The following MITF variants were observed in gnomAD, a reference collection of about 807,000 sequenced individuals.
The protein encoded by MITF is melanocyte inducing transcription factor.
MITF carries 17 observed loss-of-function variants against 60.5 expected under a neutral mutation model. The observed-to-expected ratio is 0.28, with a 90% CI of 0.19 to 0.42. The LOEUF is 0.42. Ranked by LOEUF, MITF falls within the 10% of genes least tolerant of loss-of-function variation. MITF has a pLI of 1.00. For missense variants in MITF, 622 were observed against 683.5 expected, an observed-to-expected ratio of 0.91 and a Z score of 1.00; for synonymous variants, 260 against 248.5, an observed-to-expected ratio of 1.05 and a Z score of -0.43.
In MITF at chr3:69,813,069, T is replaced by G. The variant is rs576789382; in HGVS notation, c.105-66065T>G. On this transcript the variant is annotated intron_variant, in intron 1 of 9. Coordinates refer to ENST00000352241, the MANE Select transcript of MITF (RefSeq NM_001354604.2). ...CACTTACAATGTACTATTCCAATTATACAATTGGAATAGAAAGGGTGTCAA... is the reference window on the plus strand; with the variant it reads ...CACTTACAATGTACTATTCCAATTAGACAATTGGAATAGAAAGGGTGTCAA... Among the ~76,000 whole-genome samples, 6 of 152,260 alleles carry G rather than the reference T, an allele frequency of 3.9e-5. No homozygotes were observed. In the South Asian group the frequency reaches 1.0e-3, roughly 26 times the overall value.
At chr3:69,882,842 A>T (rs987214471) in intron 2 of MITF, among the ~76,000 whole-genome samples, 4 of 152,182 alleles carry the variant, frequency 2.6e-5, no homozygotes, top group African/African-American at 9.7e-5. Context: ...GGTCGCTCTC[A>T]TCCTGGACTA....
At chr3:69,796,127 A>C (rs563911820) in intron 1 of MITF, among the ~76,000 whole-genome samples, 1 of 152,254 alleles carries the variant, frequency 6.6e-6, no homozygotes, top group East Asian at 1.9e-4. Flanking sequence ...GATTACAGGC[A>C]TGTGCCACCA....
intron 2 of MITF, chr3:69,936,861 A>G: frequency 9.5e-7 from 1 of 1,050,454 alleles, no homozygotes. Flanking sequence ...AATAAGTATA[A>G]ATCTGCTCTT....
chr3:69,955,069 C>A (rs2066362390), intron 7 of MITF, among the ~76,000 whole-genome samples: 1 of 152,124 alleles, frequency 6.6e-6, no homozygotes, highest in Admixed American at 6.5e-5. Flanking sequence ...TGATAGTTGA[C>A]CTTACACTGA....
intron 1 of MITF, among the ~76,000 whole-genome samples, chr3:69,783,984 CT>C (rs1482466811): frequency 6.6e-6 from 1 of 152,178 alleles, no homozygotes; most frequent in Admixed American, 6.5e-5. Context: ...TTCCTCTTTC[CT>C]GTCTCTCTTT....
intron 1 of MITF, among the ~76,000 whole-genome samples, chr3:69,756,530 A>G (rs1336730123): frequency 6.6e-6 from 1 of 151,958 alleles, no homozygotes; most frequent in Non-Finnish European, 1.5e-5. Context: ...TATCCAATCT[A>G]TCATTGATGG....
intron 2 of MITF, among the ~76,000 whole-genome samples, chr3:69,891,025 A>T (rs2064748119): frequency 6.6e-6 from 1 of 152,174 alleles, no homozygotes; most frequent in African/African-American, 2.4e-5. Context: ...CTTAGTTTGG[A>T]GTTAGATCTA....
chr3:69,763,764 C>G, intron 1 of MITF: 1 of 1,363,426 alleles, frequency 7.3e-7, no homozygotes, highest in Non-Finnish European at 9.7e-7. Context: ...TCTCCTTTTG[C>G]TTCTGACCTA....
At chr3:69,770,631 C>T (rs1487072800) in intron 1 of MITF, among the ~76,000 whole-genome samples, 1 of 152,142 alleles carries the variant, frequency 6.6e-6, no homozygotes, top group Non-Finnish European at 1.5e-5. Flanking sequence ...GCAAAAGCAA[C>T]TGCATATGAA....
chr3:69,860,447 A>C (rs2063992814), intron 1 of MITF, among the ~76,000 whole-genome samples: 1 of 152,110 alleles, frequency 6.6e-6, no homozygotes, highest in African/African-American at 2.4e-5. Context: ...ATACAAAAAA[A>C]ATTAGCCGGG....
At chr3:69,807,468 C>G (rs1329921973) in intron 1 of MITF, among the ~76,000 whole-genome samples, 1 of 152,190 alleles carries the variant, frequency 6.6e-6, no homozygotes, top group Non-Finnish European at 1.5e-5. Flanking sequence ...TTACATTTCC[C>G]TTCTCAAAGG....
At chr3:69,903,500 G>T (rs1379324527) in intron 2 of MITF, among the ~76,000 whole-genome samples, 1 of 152,110 alleles carries the variant, frequency 6.6e-6, no homozygotes, top group Non-Finnish European at 1.5e-5. Context: ...GAGGCATTGA[G>T]CCTAGATCCA....
At chr3:69,877,278 G>A (rs910127204) in intron 1 of MITF, among the ~76,000 whole-genome samples, 6 of 151,812 alleles carry the variant, frequency 4.0e-5, no homozygotes, top group Non-Finnish European at 5.9e-5. Context: ...ATCAGTTTTT[G>A]CACATTTAAG....
intron 1 of MITF, among the ~76,000 whole-genome samples, chr3:69,752,873 C>A (rs578124339): frequency 6.6e-6 from 1 of 152,312 alleles, no homozygotes; most frequent in East Asian, 1.9e-4. Context: ...GCCTCACTCC[C>A]CTTTTGCCTT....
chr3:69,962,882 T>G (rs574275373), intron 9 of MITF, among the ~76,000 whole-genome samples: 1 of 152,290 alleles, frequency 6.6e-6, no homozygotes, highest in African/African-American at 2.4e-5. Context: ...AAGAGTTATT[T>G]TCTCATAATT....
At chr3:69,840,550 T>G (rs549082284) in intron 1 of MITF, among the ~76,000 whole-genome samples, 3 of 152,258 alleles carry the variant, frequency 2.0e-5, no homozygotes, top group African/African-American at 7.2e-5. Context: ...CTGCCATTCT[T>G]TAACCTCCAT....
intron 1 of MITF, among the ~76,000 whole-genome samples, chr3:69,747,150 G>T (rs1277189573): frequency 6.6e-6 from 1 of 152,192 alleles, no homozygotes. Context: ...TGGCCATAGG[G>T]AGTCCAGTGG....
intron 1 of MITF, among the ~76,000 whole-genome samples, chr3:69,836,260 T>G (rs1173596865): frequency 6.6e-6 from 1 of 152,244 alleles, no homozygotes; most frequent in African/African-American, 2.4e-5. Flanking sequence ...CTTCTTGATT[T>G]ATTTTTCAGG....
rs542141862 is a variant in MITF, at chr3:69,755,433, GTTTTTTTTTTTTTTTTTTTTT to G, written c.104+15750_104+15770del. Among the ~76,000 whole-genome samples, 37 of 35,424 alleles carry G rather than the reference GTTTTTTTTTTTTTTTTTTTTT, an allele frequency of 1.0e-3. 1 individual carries two copies. The South Asian group carries it at 0.035, about 33-fold the overall frequency. 23.2% of individuals were successfully genotyped at this position (35,424 alleles called of 152,430 possible). A position where few individuals can be genotyped will look rare whatever the true frequency, so the allele number is the denominator to read the frequency against. ...ATCTTTGTATCTTTTACCCTTCTGG[GTTTTTTTTTTTTTTTTTTTTT>G]TTTTTTTTTTTTTTTTTGGGAATAG... On this transcript the variant is annotated intron_variant, in intron 1 of 9. Coordinates refer to ENST00000352241, the MANE Select transcript of MITF (RefSeq NM_001354604.2).
Sources: gnomAD v4.1 joint callset for allele counts (sites outside exome capture counted in the v4.1 genomes callset) on GRCh38, gnomAD v4.1.1 for gene constraint, MANE v1.5 for transcripts, NCBI Gene and HGNC (gene_info 2026-07-23, HGNC 2026-07-21) for gene names.